Variants in CCDC171 observed in about 807,000 individuals in gnomAD.
The protein encoded by CCDC171 is coiled-coil domain-containing protein 171.
CCDC171 carries 177 observed loss-of-function variants against 168.2 expected under a neutral mutation model. The observed-to-expected ratio is 1.05, with a 90% confidence interval of 0.93 to 1.19. The LOEUF is 1.19. Ranked by LOEUF, CCDC171 falls within the 50% of genes most tolerant of loss-of-function variation. CCDC171 has a pLI of 0.00. For synonymous variants in CCDC171, 687 were observed against 540.8 expected, an observed-to-expected ratio of 1.27 and a Z score of -3.75; for missense variants, 1,991 against 1,539.0, an observed-to-expected ratio of 1.29 and a Z score of -4.91.
the CCDC171 span, among the ~76,000 whole-genome samples, chr9:16,105,610 G>A: frequency 1.3e-5 from 2 of 152,164 alleles, no homozygotes; most frequent in Non-Finnish European, 2.9e-5. Flanking sequence ...CCTCTCTGCA[G>A]ACAGGATCTT....
chr9:15,937,442 G>A (rs760262700), intron 25 of CCDC171, among the ~76,000 whole-genome samples: 44 of 151,896 alleles, frequency 2.9e-4, no homozygotes, highest in Non-Finnish European at 5.3e-4. Flanking sequence ...ATAATTAGAT[G>A]ATTCCAATAC....
the CCDC171 span, among the ~76,000 whole-genome samples, chr9:16,070,041 G>C: frequency 6.6e-6 from 1 of 152,152 alleles, no homozygotes; most frequent in Non-Finnish European, 1.5e-5. Context: ...CTCTCTGAGG[G>C]TGTGTGCTCT....
chr9:16,004,072 C>G (rs1217529826), intron 3 of CCDC171, among the ~76,000 whole-genome samples: 1 of 152,142 alleles, frequency 6.6e-6, no homozygotes, highest in African/African-American at 2.4e-5. Flanking sequence ...AGGGCTGCAG[C>G]TGGGATCAGA....
intron 7 of CCDC171, among the ~76,000 whole-genome samples, chr9:15,642,742 T>A (rs2046742389): frequency 6.6e-6 from 1 of 152,164 alleles, no homozygotes; most frequent in Admixed American, 6.5e-5. Flanking sequence ...GACATTTCAT[T>A]TAAAATGAGA....
intron 11 of CCDC171, among the ~76,000 whole-genome samples, chr9:15,697,255 G>A (rs2051286835): frequency 6.6e-6 from 1 of 152,146 alleles, no homozygotes; most frequent in South Asian, 2.1e-4. Context: ...CTCTTTCATG[G>A]CTGTGGCTCT....
chr9:15,914,599 C>T (rs1824219936), intron 24 of CCDC171, among the ~76,000 whole-genome samples: 1 of 152,148 alleles, frequency 6.6e-6, no homozygotes, highest in Admixed American at 6.5e-5. Context: ...GGGGCGGTCT[C>T]TTCTGAGCAA....
intron 21 of CCDC171, among the ~76,000 whole-genome samples, chr9:15,794,373 G>T (rs2135670792): frequency 6.6e-6 from 1 of 152,230 alleles, no homozygotes; most frequent in East Asian, 1.9e-4. Context: ...GCTGAGGCAG[G>T]AGAATCACTT....
the CCDC171 span, among the ~76,000 whole-genome samples, chr9:16,088,891 C>T: frequency 1.3e-5 from 2 of 152,042 alleles, no homozygotes; most frequent in Non-Finnish European, 2.9e-5. Flanking sequence ...AAAACAGAGC[C>T]CGTATAGCCA....
At chr9:15,930,249 A>C (rs1361420417) in intron 25 of CCDC171, among the ~76,000 whole-genome samples, 1 of 151,608 alleles carries the variant, frequency 6.6e-6, no homozygotes, top group Non-Finnish European at 1.5e-5. Context: ...TCCCACACCA[A>C]ATTTTCTTTA....
rs575176924 is a variant in CCDC171 at position 15,668,931 on chromosome 9, G to A, written c.1076+2608G>A. ...CCAAATAGAGAATTGATAGATTTTA[G>A]GTCTTTAAGGTAAATAATACCTTTA... On this transcript the variant is annotated intron_variant, in intron 9 of 25. Transcript: ENST00000380701. 1.2e-4 allele frequency among the ~76,000 whole-genome samples: 19 copies of A among 152,232 alleles called. 1 individual carries two copies. Among genetic ancestry groups the A allele is most frequent in the African/African-American group, 3.9e-4 (16 of 41,530 alleles).
intron 6 of CCDC171, among the ~76,000 whole-genome samples, chr9:15,596,383 A>C (rs1476271405): frequency 6.6e-6 from 1 of 151,838 alleles, no homozygotes; most frequent in African/African-American, 2.4e-5. Context: ...TTTTCCCAGC[A>C]CCATTTATTA....
intron 25 of CCDC171, among the ~76,000 whole-genome samples, chr9:15,943,610 T>A (rs1028123072): frequency 3.9e-5 from 6 of 152,008 alleles, no homozygotes; most frequent in Non-Finnish European, 4.4e-5. Flanking sequence ...ACACTGTACC[T>A]GACTCATTGC....
intron 10 of CCDC171, among the ~76,000 whole-genome samples, chr9:15,693,141 C>G (rs974770584): frequency 6.6e-5 from 10 of 151,782 alleles, no homozygotes; most frequent in African/African-American, 9.7e-5. Flanking sequence ...TGTCTCAAAA[C>G]AAAACAAAAC....
At chr9:15,794,826 G>T (rs916977271) in intron 21 of CCDC171, among the ~76,000 whole-genome samples, 2 of 152,190 alleles carry the variant, frequency 1.3e-5, no homozygotes, top group Non-Finnish European at 2.9e-5. Flanking sequence ...CAATGTAGTC[G>T]TGATGATTTT....
At chr9:16,005,375 C>T (rs1428382136) in intron 3 of CCDC171, among the ~76,000 whole-genome samples, 1 of 152,070 alleles carries the variant, frequency 6.6e-6, no homozygotes, top group Admixed American at 6.6e-5. Context: ...TGGATATTGC[C>T]ACATTATGTT....
chr9:16,056,107 C>A (rs1833834812), intron 1 of CCDC171, among the ~76,000 whole-genome samples: 2 of 152,144 alleles, frequency 1.3e-5, no homozygotes, highest in African/African-American at 4.8e-5. Context: ...AACAGATATT[C>A]AGGAAAAAAA....
At chr9:15,649,238 A>G (rs778287343) in intron 7 of CCDC171, among the ~76,000 whole-genome samples, 56 of 152,336 alleles carry the variant, frequency 3.7e-4, no homozygotes, top group Non-Finnish European at 7.1e-4. Context: ...ACCTTATACA[A>G]AAGTTAATTC....
At chr9:15,795,811 A>T (rs1039301794) in intron 21 of CCDC171, among the ~76,000 whole-genome samples, 1 of 152,172 alleles carries the variant, frequency 6.6e-6, no homozygotes, top group Non-Finnish European at 1.5e-5. Flanking sequence ...GGAAACTGGA[A>T]CCTAGGCCTG....
chr9:15,782,100 C>T (rs1015291491), intron 20 of CCDC171, among the ~76,000 whole-genome samples: 1 of 152,154 alleles, frequency 6.6e-6, no homozygotes, highest in African/African-American at 2.4e-5. Context: ...GTAGTTTCCT[C>T]TAAGAAAATT....
Sources: gnomAD v4.1 joint callset for allele counts (sites outside exome capture counted in the v4.1 genomes callset) on GRCh38, gnomAD v4.1.1 for gene constraint, MANE v1.5 for transcripts, NCBI Gene and HGNC (gene_info 2026-07-23, HGNC 2026-07-21) for gene names.